Variants in MAGI2 observed in about 807,000 individuals in gnomAD.
MAGI2 encodes membrane associated guanylate kinase, WW and PDZ domain containing 2, also known as membrane-associated guanylate kinase, WW and PDZ domain-containing protein 2.
In MAGI2, 35 loss-of-function variants were observed where a neutral mutation model predicts 133.3. That is an observed-to-expected ratio of 0.26 (90% confidence interval 0.20 to 0.35). The LOEUF (loss-of-function observed/expected upper bound fraction) is 0.35, where lower values mean the gene tolerates loss of function less well. Among genes scored for constraint, MAGI2 ranks in the 10% least tolerant of loss-of-function variants. MAGI2 has a pLI of 1.00. For synonymous variants in MAGI2, 729 were observed against 710.6 expected (o/e 1.03, Z -0.41); for missense variants, 1,636 against 1,863.4 (o/e 0.88, Z 2.25).
intron 1 of MAGI2, among the ~76,000 whole-genome samples, chr7:79,329,952 T>A (rs1350847417): frequency 6.6e-6 from 1 of 152,092 alleles, no homozygotes; most frequent in Non-Finnish European, 1.5e-5. Context: ...AGACTAAACT[T>A]ATGCAAAGAC....
In MAGI2 at chr7:78,612,395, G is replaced by C. The variant is rs1806544670; in HGVS notation, c.538+14725C>G. Reference sequence around the variant, plus strand: ...CAACATAAGAAAAACCACGAATAAAGGGAATGTAACCAGCTAACATGAGAA... The same window carrying C: ...CAACATAAGAAAAACCACGAATAAACGGAATGTAACCAGCTAACATGAGAA... On this transcript the variant is annotated intron_variant, in intron 3 of 21. Coordinates refer to ENST00000354212, the MANE Select transcript of MAGI2 (RefSeq NM_012301.4). Among the ~76,000 whole-genome samples, 3 of 151,950 alleles carry C rather than the reference G, an allele frequency of 2.0e-5. No individual in the cohort carries two copies. In the South Asian group the frequency reaches 6.2e-4, roughly 32 times the overall value.
chr7:79,444,038 T>C (rs1848672973), intron 1 of MAGI2, among the ~76,000 whole-genome samples: 2 of 152,172 alleles, frequency 1.3e-5, no homozygotes, highest in African/African-American at 4.8e-5. Context: ...TAATCCAGCA[T>C]ATAAACAGAA....
intron 2 of MAGI2, among the ~76,000 whole-genome samples, chr7:78,703,488 T>G (rs1818283465): frequency 6.6e-6 from 1 of 152,022 alleles, no homozygotes; most frequent in Non-Finnish European, 1.5e-5. Flanking sequence ...TAAATCATTT[T>G]GCGTTGAATG....
rs1014604254 is a variant in MAGI2, at chr7:79,162,934, C to G, written c.302-155728G>C. 9.9e-5 allele frequency among the ~76,000 whole-genome samples: 15 copies of G among 152,046 alleles called. No homozygotes were observed. In the South Asian group the frequency reaches 1.9e-3, roughly 19 times the overall value. ...AATAATTTTAAGAGGTGATGAATAC[C>G]TGTCCACATCCATTCCTATCTGGCC... is the stretch of plus-strand genomic sequence containing the variant. On this transcript the variant is annotated intron_variant, in intron 1 of 21. Coordinates refer to ENST00000354212, the MANE Select transcript of MAGI2 (RefSeq NM_012301.4).
chr7:78,411,003 T>C (rs950903743), intron 6 of MAGI2, among the ~76,000 whole-genome samples: 14 of 152,154 alleles, frequency 9.2e-5, no homozygotes, highest in African/African-American at 3.4e-4. Context: ...AAAAGCTTAA[T>C]ATTGAACAAA....
At chr7:79,384,755 C>A (rs2129145393) in intron 1 of MAGI2, among the ~76,000 whole-genome samples, 1 of 151,686 alleles carries the variant, frequency 6.6e-6, no homozygotes, top group African/African-American at 2.4e-5. Context: ...TTCAAAGATT[C>A]AATGGACAAT....
intron 10 of MAGI2, among the ~76,000 whole-genome samples, chr7:78,210,186 T>C (rs1474334002): frequency 1.3e-5 from 2 of 152,184 alleles, no homozygotes; most frequent in Admixed American, 1.3e-4. Context: ...ATAAATTCCA[T>C]TAGTGGAGAT....
rs1405230885 is a variant in MAGI2, at chr7:79,438,947, G to A, written c.301+14073C>T. 2.0e-5 allele frequency among the ~76,000 whole-genome samples: 3 copies of A among 151,980 alleles called. No individual in the cohort carries two copies. In the East Asian group the frequency reaches 5.8e-4, roughly 29 times the overall value. On this transcript the variant is annotated intron_variant, in intron 1 of 21. Transcript: ENST00000354212. ...AGTATAATGTCCATAGGCTTTATCC[G>A]CCTTCAGTACAATGTCCATAATTTT... is the stretch of plus-strand genomic sequence containing the variant.
chr7:79,028,235 G>GTGTATATA (rs1491124887), intron 1 of MAGI2, among the ~76,000 whole-genome samples: 17 of 29,326 alleles, frequency 5.8e-4, no homozygotes, highest in Admixed American at 5.0e-3. Flanking sequence ...ATATATGTAT[G>GTGTATATA]TATATATATA....
chr7:78,458,635 T>A (rs796199970), intron 6 of MAGI2, among the ~76,000 whole-genome samples: 25 of 111,940 alleles, frequency 2.2e-4, no homozygotes, highest in African/African-American at 8.0e-4. Flanking sequence ...CTGTTTTTTG[T>A]TAGGTTTTTT....
At chr7:78,889,472 C>A (rs568018420) in intron 2 of MAGI2, among the ~76,000 whole-genome samples, 1 of 152,268 alleles carries the variant, frequency 6.6e-6, no homozygotes, top group African/African-American at 2.4e-5. Flanking sequence ...TAAGGGCAGC[C>A]AGAGAGAAAG....
intron 1 of MAGI2, among the ~76,000 whole-genome samples, chr7:79,438,572 C>T (rs147368044): frequency 1.1e-4 from 17 of 152,144 alleles, no homozygotes; most frequent in Middle Eastern, 3.4e-3. Context: ...AGTAAATTTT[C>T]GTCTTTGCAG....
At chr7:78,721,225 A>G (rs1266281926) in intron 2 of MAGI2, among the ~76,000 whole-genome samples, 1 of 152,048 alleles carries the variant, frequency 6.6e-6, no homozygotes, top group Non-Finnish European at 1.5e-5. Context: ...GAATTTTTGT[A>G]TAACATCTTT....
At chr7:79,166,125 T>C (rs1418752738) in intron 1 of MAGI2, among the ~76,000 whole-genome samples, 1 of 152,076 alleles carries the variant, frequency 6.6e-6, no homozygotes, top group Non-Finnish European at 1.5e-5. Flanking sequence ...CATCTTTGCA[T>C]GTGGTAGGCA....
chr7:78,920,260 C>T (rs1036935956), intron 2 of MAGI2, among the ~76,000 whole-genome samples: 5 of 152,030 alleles, frequency 3.3e-5, no homozygotes, highest in African/African-American at 7.2e-5. Context: ...AATTATTTAG[C>T]CCCTCTGTAC....
At chr7:78,753,532 G>GA (rs1823652774) in intron 2 of MAGI2, among the ~76,000 whole-genome samples, 1 of 151,920 alleles carries the variant, frequency 6.6e-6, no homozygotes, top group Non-Finnish European at 1.5e-5. Context: ...GAATGTGGCA[G>GA]AAAAAATATT....
chr7:79,274,587 T>A (rs1223256239), intron 1 of MAGI2, among the ~76,000 whole-genome samples: 1 of 151,310 alleles, frequency 6.6e-6, no homozygotes, highest in Non-Finnish European at 1.5e-5. Flanking sequence ...ATTATATATT[T>A]TTTTTCAATT....
chr7:79,103,745 C>T (rs1818192864), intron 1 of MAGI2, among the ~76,000 whole-genome samples: 1 of 151,670 alleles, frequency 6.6e-6, no homozygotes, highest in Non-Finnish European at 1.5e-5. Flanking sequence ...TGTCGCCCAG[C>T]CTGGAGTGCA....
chr7:78,358,712 C>A, intron 7 of MAGI2: 1 of 223,694 alleles, frequency 4.5e-6, no homozygotes, highest in South Asian at 5.8e-5. Flanking sequence ...CTGGAAATAC[C>A]AGGTAGTGAC....
Sources: gnomAD v4.1 joint callset for allele counts (sites outside exome capture counted in the v4.1 genomes callset) on GRCh38, gnomAD v4.1.1 for gene constraint, MANE v1.5 for transcripts, NCBI Gene and HGNC (gene_info 2026-07-23, HGNC 2026-07-21) for gene names.